SLC12A8: variants seen among roughly 807,000 people sequenced by gnomAD.
SLC12A8 encodes solute carrier family 12 member 8, also known as cation-chloride cotransporter 9.
In SLC12A8, 69 loss-of-function variants were observed where a neutral mutation model predicts 75.6. The ratio of observed to expected loss-of-function variants is 0.91; its 90% CI spans 0.75 to 1.11. The LOEUF (loss-of-function observed/expected upper bound fraction) is 1.11, where lower values mean the gene tolerates loss of function less well. SLC12A8 is among the 50% of genes most tolerant of loss of function. SLC12A8 has a pLI of 0.00. For synonymous variants in SLC12A8, 365 were observed against 372.8 expected, an observed-to-expected ratio of 0.98 and a Z score of 0.24; for missense variants, 877 against 896.7, an observed-to-expected ratio of 0.98 and a Z score of 0.28.
chr3:125,086,674 T>C (rs896992113), intron 13 of SLC12A8, among the ~76,000 whole-genome samples: 2 of 152,192 alleles, frequency 1.3e-5, no homozygotes, highest in African/African-American at 2.4e-5. Context: ...TGAAGAAATG[T>C]TGTGACCTGG....
chr3:125,116,990 C>G (rs865888005), intron 8 of SLC12A8, among the ~76,000 whole-genome samples: 10 of 152,140 alleles, frequency 6.6e-5, no homozygotes, highest in Non-Finnish European at 1.2e-4. Context: ...TGAGAGCAAA[C>G]CTTGCCACCT....
intron 5 of SLC12A8, among the ~76,000 whole-genome samples, chr3:125,174,780 G>A (rs1300708302): frequency 6.6e-6 from 1 of 152,168 alleles, no homozygotes; most frequent in Non-Finnish European, 1.5e-5. Flanking sequence ...CAAAACTATG[G>A]AAACAGTAAA....
intron 5 of SLC12A8, among the ~76,000 whole-genome samples, chr3:125,141,527 G>GC (rs1933636769): frequency 1.3e-5 from 2 of 152,206 alleles, no homozygotes; most frequent in South Asian, 4.1e-4. Flanking sequence ...CACCTGCGGT[G>GC]CCCCCGACAT....
Position 125,209,712 on chromosome 3 carries a change from T to A in SLC12A8, c.51+1587A>T, listed in dbSNP as rs368901019. Among the ~76,000 whole-genome samples the A allele has an allele frequency of 2.6e-5, 4 of 152,338 alleles. No individual in the cohort carries two copies. The East Asian group carries it at 5.8e-4, about 22-fold the overall frequency. On this transcript the variant is annotated intron_variant, in intron 2 of 13. Coordinates refer to ENST00000469902, the MANE Select transcript of SLC12A8 (RefSeq NM_024628.6). Reference sequence around the variant, plus strand: ...TTTCAATGCTACATGGTAAGTGCAGTGACACAGGATGCTGTGGAACAGAAG... The same window carrying A: ...TTTCAATGCTACATGGTAAGTGCAGAGACACAGGATGCTGTGGAACAGAAG...
intron 6 of SLC12A8, among the ~76,000 whole-genome samples, chr3:125,135,107 TG>T (rs1291418962): frequency 6.6e-6 from 1 of 152,044 alleles, no homozygotes; most frequent in Non-Finnish European, 1.5e-5. Context: ...AGCAGGAACT[TG>T]GGGAAGGGAG....
Position 125,187,201 on chromosome 3 carries a change from GC to G in SLC12A8, c.390+35del, listed in dbSNP as rs756361377. The G allele has an allele frequency of 2.5e-6, 4 of 1,600,300 alleles. No homozygotes were observed. The East Asian group carries it at 6.7e-5, about 27-fold the overall frequency. ...ATGGACAAGAAGAAAGTGGCAGAGGGCCAGGCAGGGGAAGCATCCCGGGCGC... is the reference window on the plus strand; with the variant it reads ...ATGGACAAGAAGAAAGTGGCAGAGGGCAGGCAGGGGAAGCATCCCGGGCGC... On this transcript the variant is annotated intron_variant, in intron 4 of 13. Coordinates refer to ENST00000469902, the MANE Select transcript of SLC12A8 (RefSeq NM_024628.6).
At chr3:125,160,837 C>A (rs816324) in intron 5 of SLC12A8, among the ~76,000 whole-genome samples, 36,704 of 133,002 alleles carry the variant, frequency 0.28, 5,212 homozygotes, top group East Asian at 0.55. Flanking sequence ...TCGGAGGGAG[C>A]TGCACGGGGG....
chr3:125,169,404 G>T (rs1407560656), intron 5 of SLC12A8, among the ~76,000 whole-genome samples: 1 of 152,168 alleles, frequency 6.6e-6, no homozygotes, highest in Non-Finnish European at 1.5e-5. Flanking sequence ...CCAGGCTGCA[G>T]ATCAAGAAGT....
rs548289199 is a variant in SLC12A8, at chr3:125,111,224, T to C, written c.913-889A>G. 3.3e-5 allele frequency among the ~76,000 whole-genome samples: 5 copies of C among 152,260 alleles called. No homozygotes were observed. The South Asian group carries it at 1.0e-3, about 32-fold the overall frequency. ...GAATTCTTGGTGCCCAACACAGAAA[T>C]ATAAATGACGAATGAATGAATGAGA... On this transcript the variant is annotated intron_variant, in intron 8 of 13. Transcript: ENST00000469902.
chr3:125,111,032 C>G (rs749109041), intron 8 of SLC12A8, among the ~76,000 whole-genome samples: 37 of 152,182 alleles, frequency 2.4e-4, no homozygotes, highest in Non-Finnish European at 4.3e-4. Context: ...AAACTCAGCA[C>G]CAACCTCACC....
intron 5 of SLC12A8, among the ~76,000 whole-genome samples, chr3:125,167,555 C>T (rs1934316445): frequency 6.6e-6 from 1 of 152,188 alleles, no homozygotes; most frequent in Non-Finnish European, 1.5e-5. Flanking sequence ...GGGCCTTGGG[C>T]CTGGCAGCCA....
At chr3:125,092,654 G>A (rs888082438) in intron 10 of SLC12A8, among the ~76,000 whole-genome samples, 29 of 152,232 alleles carry the variant, frequency 1.9e-4, no homozygotes, top group Middle Eastern at 6.8e-3. Context: ...CCTGTCTCAG[G>A]TATCAACCAG....
rs576163486 is a variant in SLC12A8 at position 125,187,131 on chromosome 3, C to T, written c.390+106G>A. On this transcript the variant is annotated intron_variant, in intron 4 of 13. Transcript: ENST00000469902. ...CCCCAACCTGCTCGTCTGTCACATG[C>T]GGCAATTGTCCCCACCCTCGCTTCT... is the stretch of plus-strand genomic sequence containing the variant. 3.3e-5 allele frequency: 37 copies of T among 1,123,832 alleles called. 1 individual carries two copies. Among genetic ancestry groups the T allele is most frequent in the African/African-American group, 2.1e-4 (14 of 65,344 alleles). 69.6% of individuals were successfully genotyped at this position (1,123,832 alleles called of 1,614,324 possible).
intron 5 of SLC12A8, among the ~76,000 whole-genome samples, chr3:125,167,361 G>T (rs1579518777): frequency 6.6e-6 from 1 of 152,150 alleles, no homozygotes; most frequent in African/African-American, 2.4e-5. Flanking sequence ...GGCCAGGCTG[G>T]TCTCAAACTC....
At chr3:125,174,597 G>A (rs11711212) in intron 5 of SLC12A8, among the ~76,000 whole-genome samples, 151 of 152,318 alleles carry the variant, frequency 9.9e-4, no homozygotes, top group Admixed American at 1.6e-3. Context: ...TTCAGTAGGT[G>A]AATGGACAAA....
At chr3:125,176,445 C>G (rs1934529417) in intron 5 of SLC12A8, among the ~76,000 whole-genome samples, 1 of 152,130 alleles carries the variant, frequency 6.6e-6, no homozygotes, top group African/African-American at 2.4e-5. Flanking sequence ...ACACCAAAAG[C>G]AATGGCAACA....
chr3:125,209,451 G>A (rs1464430172), intron 2 of SLC12A8, among the ~76,000 whole-genome samples: 2 of 152,116 alleles, frequency 1.3e-5, no homozygotes, highest in Non-Finnish European at 2.9e-5. Flanking sequence ...CCTCCCACCT[G>A]GAATATGCTT....
intron 5 of SLC12A8, among the ~76,000 whole-genome samples, chr3:125,167,658 A>C (rs971525644): frequency 3.9e-5 from 6 of 152,232 alleles, no homozygotes; most frequent in Non-Finnish European, 8.8e-5. Context: ...AGAACATCTA[A>C]CATGGCTCAA....
intron 2 of SLC12A8, among the ~76,000 whole-genome samples, chr3:125,209,357 A>G (rs765939651): frequency 2.6e-5 from 4 of 152,220 alleles, no homozygotes; most frequent in Admixed American, 6.5e-5. Context: ...AGAATGTTGT[A>G]GTGGAGATAA....
Sources: allele counts gnomAD v4.1 joint callset (sites outside exome capture counted in the v4.1 genomes callset), GRCh38; gene constraint gnomAD v4.1.1; transcripts MANE v1.5; gene names NCBI Gene and HGNC (gene_info 2026-07-23, HGNC 2026-07-21).